The following NAV2 variants were observed in gnomAD, a reference collection of about 807,000 sequenced individuals.
NAV2 encodes neuron navigator 2, also known as helicase, APC down-regulated 1.
A neutral mutation model predicts 223.2 loss-of-function variants in NAV2; 54 were observed. That is an observed-to-expected ratio of 0.24 (90% confidence interval 0.19 to 0.30). The LOEUF (loss-of-function observed/expected upper bound fraction) is 0.30, where lower values mean the gene tolerates loss of function less well. NAV2 is among the 10% of genes least tolerant of loss of function. NAV2 has a pLI of 1.00. For missense variants in NAV2, 2,806 were observed against 3,147.5 expected, an observed-to-expected ratio of 0.89 and a Z score of 2.60; for synonymous variants, 1,279 against 1,239.3, an observed-to-expected ratio of 1.03 and a Z score of -0.67.
At chr11:19,859,351 T>G (rs535236540) in intron 3 of NAV2, among the ~76,000 whole-genome samples, 1 of 149,886 alleles carries the variant, frequency 6.7e-6, no homozygotes, top group Non-Finnish European at 1.5e-5. Flanking sequence ...TCTTAACGAG[T>G]ATGCTGCCTT....
intron 1 of NAV2, among the ~76,000 whole-genome samples, chr11:19,619,005 G>T (rs1378503005): frequency 2.5e-4 from 2 of 8,068 alleles, no homozygotes; most frequent in African/African-American, 1.1e-3. Flanking sequence ...GAGAACATGC[G>T]GTGTTTGGTT....
chr11:19,372,788 C>T (rs540401668), intron 1 of NAV2, among the ~76,000 whole-genome samples: 2 of 152,188 alleles, frequency 1.3e-5, no homozygotes, highest in Non-Finnish European at 2.9e-5. Context: ...ACCTCCTGGC[C>T]CCATCAGCAC....
intron 6 of NAV2, among the ~76,000 whole-genome samples, chr11:19,921,469 A>G (rs903723587): frequency 6.6e-6 from 1 of 152,232 alleles, no homozygotes; most frequent in African/African-American, 2.4e-5. Context: ...TGACGTTCCT[A>G]TTTTTAAAAA....
chr11:19,483,702 A>G (rs1398417238), intron 1 of NAV2, among the ~76,000 whole-genome samples: 1 of 152,232 alleles, frequency 6.6e-6, no homozygotes, highest in Non-Finnish European at 1.5e-5. Flanking sequence ...TGGAAAAGGT[A>G]TTAAGTTTTT....
intron 1 of NAV2, among the ~76,000 whole-genome samples, chr11:19,774,626 AC>A (rs1272022034): frequency 1.3e-5 from 2 of 152,156 alleles, no homozygotes; most frequent in Non-Finnish European, 2.9e-5. Flanking sequence ...ACAGAGAGAG[AC>A]ACATACCCCA....
At chr11:19,521,119 A>G (rs1239822140) in intron 1 of NAV2, among the ~76,000 whole-genome samples, 3 of 152,178 alleles carry the variant, frequency 2.0e-5, no homozygotes, top group Non-Finnish European at 4.4e-5. Context: ...CTTGGAACCC[A>G]AACACTCCAA....
At chr11:20,039,038 T>A (rs1036082137) in intron 12 of NAV2, among the ~76,000 whole-genome samples, 5 of 152,134 alleles carry the variant, frequency 3.3e-5, no homozygotes, top group Non-Finnish European at 7.3e-5. Context: ...CTGTCCAGCA[T>A]CAGCTCCTGT....
intron 2 of NAV2, among the ~76,000 whole-genome samples, chr11:19,834,555 C>CTTTTTT (rs56112973): frequency 1.4e-5 from 2 of 147,570 alleles, no homozygotes; most frequent in Non-Finnish European, 1.5e-5. Flanking sequence ...GAAGGGGTAC[C>CTTTTTT]TTTTTTTTTT....
At chr11:19,708,255 C>G (rs2049732129), upstream of NAV2, among the ~76,000 whole-genome samples, 1 of 152,168 alleles carries the variant, frequency 6.6e-6, no homozygotes, top group African/African-American at 2.4e-5. Flanking sequence ...TCAGCCACTA[C>G]TAAAAGGTGA....
chr11:20,077,791 T>C (rs1273350631), intron 23 of NAV2, among the ~76,000 whole-genome samples, 156 bp downstream of exon 23: 2 of 152,238 alleles, frequency 1.3e-5, no homozygotes, highest in African/African-American at 4.8e-5. Context: ...AGTGAAAATA[T>C]GACAGATTGA....
intron 10 of NAV2, among the ~76,000 whole-genome samples, chr11:19,969,009 G>T (rs1161182496): frequency 6.6e-6 from 1 of 152,112 alleles, no homozygotes; most frequent in Non-Finnish European, 1.5e-5. Context: ...TACCTCAAGA[G>T]CTCCAGCAGC....
intron 11 of NAV2, among the ~76,000 whole-genome samples, chr11:20,015,604 G>T (rs1451130964): frequency 6.6e-6 from 1 of 152,002 alleles, no homozygotes; most frequent in Non-Finnish European, 1.5e-5. Context: ...TTATTTGACT[G>T]CTTGGTACCC....
rs1272528969 is a variant in NAV2, at chr11:19,713,523, G to C, written c.-173G>C. On this transcript the variant is annotated 5_prime_UTR_variant, in exon 1 of 38. Coordinates refer to ENST00000349880, the MANE Select transcript of NAV2 (RefSeq NM_145117.5). The surrounding 1 kb of genome is among the most constrained non-coding windows in gnomAD (Gnocchi z 7.2). Reference sequence around the variant, plus strand: ...TCCCATCCCGGCACCCCAAAGGCGCGCTCGCCCGATTGCTTCGAGTTCCCC... The same window carrying C: ...TCCCATCCCGGCACCCCAAAGGCGCCCTCGCCCGATTGCTTCGAGTTCCCC... The C allele has an allele frequency of 2.2e-6, 3 of 1,393,372 alleles. No individual in the cohort carries two copies. The highest frequency in any genetic ancestry group is 2.8e-6 in the Non-Finnish European group (3 of 1,078,716). 86.3% of individuals were successfully genotyped at this position (1,393,372 alleles called of 1,614,324 possible).
At chr11:19,558,614 A>G (rs2044985339) in intron 1 of NAV2, among the ~76,000 whole-genome samples, 1 of 152,240 alleles carries the variant, frequency 6.6e-6, no homozygotes, top group Non-Finnish European at 1.5e-5. Flanking sequence ...CTAGGCAGAA[A>G]AGCCACAGCT....
At chr11:19,534,081 C>T (rs1393602587) in intron 1 of NAV2, among the ~76,000 whole-genome samples, 1 of 152,212 alleles carries the variant, frequency 6.6e-6, no homozygotes, top group Middle Eastern at 3.2e-3. Context: ...CCCATGCCAC[C>T]CTTGTGGCTC....
chr11:19,646,853 A>G (rs1293594016), intron 1 of NAV2, among the ~76,000 whole-genome samples: 1 of 152,208 alleles, frequency 6.6e-6, no homozygotes, highest in Non-Finnish European at 1.5e-5. Flanking sequence ...CACAGCTTGA[A>G]TGTGGCAGAG....
chr11:20,086,733 G>A (rs1168657259), intron 26 of NAV2, among the ~76,000 whole-genome samples: 2 of 152,210 alleles, frequency 1.3e-5, no homozygotes, highest in African/African-American at 2.4e-5. Context: ...AGTTGACAGT[G>A]TATGGTGATG....
At chr11:19,938,111 T>C (rs1194979203) in intron 7 of NAV2, among the ~76,000 whole-genome samples, 3 of 150,732 alleles carry the variant, frequency 2.0e-5, no homozygotes, top group African/African-American at 7.3e-5. Flanking sequence ...CATAGTAGAG[T>C]TGTATGTAAA....
intron 1 of NAV2, among the ~76,000 whole-genome samples, chr11:19,543,544 A>G (rs1358026803): frequency 6.6e-6 from 1 of 152,206 alleles, no homozygotes; most frequent in Admixed American, 6.5e-5. Flanking sequence ...GGAAAGGTTC[A>G]GAATGGCATA....
Sources: allele counts gnomAD v4.1 joint callset (sites outside exome capture counted in the v4.1 genomes callset), GRCh38; gene constraint gnomAD v4.1.1; non-coding constraint Gnocchi (gnomAD v3.1); transcripts MANE v1.5; gene names NCBI Gene and HGNC (gene_info 2026-07-23, HGNC 2026-07-21).